Variants in USO1 observed in about 807,000 individuals in gnomAD.
The protein encoded by USO1 is general vesicular transport factor p115.
USO1 carries 57 observed loss-of-function variants against 124.5 expected under a neutral mutation model. The observed-to-expected ratio is 0.46, with a 90% CI of 0.37 to 0.57. The LOEUF (loss-of-function observed/expected upper bound fraction) is 0.57, where lower values mean the gene tolerates loss of function less well. Among genes scored for constraint, USO1 ranks in the 20% least tolerant of loss-of-function variants. The pLI is 0.00. For synonymous variants in USO1, 369 were observed against 362.8 expected (o/e 1.02, Z -0.19); for missense variants, 900 against 1,040.6 (o/e 0.86, Z 1.86).
At chr4:75,746,487 G>A (rs1463449448) in intron 1 of USO1, among the ~76,000 whole-genome samples, 2 of 152,320 alleles carry the variant, frequency 1.3e-5, no homozygotes, top group East Asian at 3.9e-4. Context: ...CAATTTCTGA[G>A]TAGAAACTAA....
rs1303811563 is a variant in USO1 at position 75,755,270 on chromosome 4, C to T, written c.219-2227C>T. ...TTAAGGAGAGGAGAATTAGGCTTCA[C>T]TTTTTTGAAAAGAGATGAATCGAAA... On this transcript the variant is annotated intron_variant, in intron 3 of 23. Transcript: ENST00000514213. Among the ~76,000 whole-genome samples, 3 of 152,162 alleles carry T rather than the reference C, an allele frequency of 2.0e-5. No homozygotes were observed. In the South Asian group the frequency reaches 6.2e-4, roughly 32 times the overall value.
chr4:75,794,904 A>T (rs1468047906), intron 13 of USO1, among the ~76,000 whole-genome samples: 1 of 152,206 alleles, frequency 6.6e-6, no homozygotes, highest in Non-Finnish European at 1.5e-5. Flanking sequence ...TCTCTTAGAG[A>T]TTAAAAAAAC....
chr4:75,764,759 C>A (rs556448975), intron 4 of USO1, among the ~76,000 whole-genome samples: 1 of 152,112 alleles, frequency 6.6e-6, no homozygotes, highest in Non-Finnish European at 1.5e-5. Context: ...GCTGTTTGAC[C>A]CACATAGTAT....
rs573009058 is a variant in USO1 at position 75,793,603 on chromosome 4, T to A, written c.1241-87T>A. On this transcript the variant is annotated intron_variant, in intron 12 of 23. Transcript: ENST00000514213. ...TTATATTTAATGGTATTTCACACTA[T>A]TTTATGTGTACAGAAAACAATTTAT... 4.7e-6 allele frequency: 7 copies of A among 1,481,866 alleles called. No individual in the cohort carries two copies. The African/African-American group carries it at 9.8e-5, about 21-fold the overall frequency. 91.8% of individuals were successfully genotyped at this position (1,481,866 alleles called of 1,614,324 possible). A position where few individuals can be genotyped will look rare whatever the true frequency, so the allele number is the denominator to read the frequency against.
chr4:75,798,427 G>C (rs577675215), intron 13 of USO1, among the ~76,000 whole-genome samples: 1 of 152,296 alleles, frequency 6.6e-6, no homozygotes, highest in South Asian at 2.1e-4. Context: ...TCAGTTGGCA[G>C]TGACTGGTTT....
chr4:75,806,624 GAAT>G, intron 20 of USO1, 52 bp downstream of exon 20: 1 of 1,536,556 alleles, frequency 6.5e-7, no homozygotes, highest in Non-Finnish European at 8.8e-7. Context: ...AATTATAATA[GAAT>G]AACAGCCCTA....
At chr4:75,756,308 C>G (rs1305618001) in intron 3 of USO1, among the ~76,000 whole-genome samples, 1 of 151,510 alleles carries the variant, frequency 6.6e-6, no homozygotes, top group African/African-American at 2.4e-5. Flanking sequence ...TGTGGGTGGC[C>G]TTTAGAAGAG....
At chr4:75,748,707 A>G (rs2149151162) in intron 1 of USO1, among the ~76,000 whole-genome samples, 1 of 152,308 alleles carries the variant, frequency 6.6e-6, no homozygotes, top group South Asian at 2.1e-4. Context: ...TCCCAGATCT[A>G]GAACCAGTAC....
At chr4:75,761,106 C>T (rs892935048) in intron 4 of USO1, among the ~76,000 whole-genome samples, 3 of 151,860 alleles carry the variant, frequency 2.0e-5, no homozygotes, top group Non-Finnish European at 2.9e-5. Flanking sequence ...AAGATTGTGC[C>T]ACTGCACGAT....
chr4:75,774,845 C>G lies in USO1; in HGVS notation c.676+49C>G, dbSNP rs747400656. 8 of 1,591,432 alleles carry G rather than the reference C, an allele frequency of 5.0e-6. No homozygotes were observed. The Admixed American group carries it at 8.6e-5, about 17-fold the overall frequency. On this transcript the variant is annotated intron_variant, in intron 8 of 23. Transcript: ENST00000514213. ...AAGACATTCCTTTTGTACTCACTGA[C>G]TTGTTAGGGTATAGGGAATACAGTT...
At chr4:75,770,778 A>G in intron 5 of USO1, 44 bp from the exon 6 acceptor site, 1 of 1,575,002 alleles carries the variant, frequency 6.3e-7, no homozygotes, top group Non-Finnish European at 8.6e-7. Flanking sequence ...TTTCTCGAAA[A>G]TGTGAATTAC....
intron 3 of USO1, among the ~76,000 whole-genome samples, chr4:75,756,127 GCCA>G (rs1721435233): frequency 6.9e-6 from 1 of 145,414 alleles, no homozygotes; most frequent in South Asian, 2.2e-4. Flanking sequence ...TCAAGATCGC[GCCA>G]CTGCACTCCA....
rs761043757 is a variant in USO1 at position 75,770,894 on chromosome 4, G to A, written c.469G>A (p.Val157Met). Residue 157 changes from valine (V) to methionine (M), a missense_variant, in exon 6 of 24, where the codon GTG (valine) becomes ATG (methionine). By Grantham distance (21) the Val-to-Met change is conservative (BLOSUM62 1). Coordinates refer to ENST00000514213, the MANE Select transcript of USO1 (RefSeq NM_003715.4). ...TSLLKQLGPQVQQIILVSPMG... is the reference protein window; with the variant it reads ...TSLLKQLGPQMQQIILVSPMG... ...TCTTTTAAAACAACTAGGGCCTCAG[G>A]TGCAACAAATTATTTTAGTCAGTCC... 2.5e-6 allele frequency: 4 copies of A among 1,613,672 alleles called. No individual in the cohort carries two copies. Among genetic ancestry groups the A allele is most frequent in the Non-Finnish European group, 3.4e-6 (4 of 1,179,792 alleles).
intron 17 of USO1, among the ~76,000 whole-genome samples, chr4:75,803,511 A>G (rs968574199): frequency 6.6e-6 from 1 of 151,890 alleles, no homozygotes; most frequent in African/African-American, 2.4e-5. Context: ...TTAGCTGGGC[A>G]TGGCAGCGGG....
intron 12 of USO1, among the ~76,000 whole-genome samples, chr4:75,792,113 A>G (rs551035102): frequency 2.6e-5 from 4 of 151,794 alleles, no homozygotes; most frequent in Admixed American, 6.6e-5. Context: ...TGAAATGTAT[A>G]CTTAAGCCAG....
chr4:75,776,997 C>A (rs903054117), intron 8 of USO1, among the ~76,000 whole-genome samples: 1 of 152,142 alleles, frequency 6.6e-6, no homozygotes, highest in South Asian at 2.1e-4. Context: ...TTTTCATCAT[C>A]TTCCTTGCAT....
At chr4:75,790,079 T>C (rs1722487338) in intron 10 of USO1, 71 bp from the exon 11 acceptor site, 3 of 1,412,446 alleles carry the variant, frequency 2.1e-6, no homozygotes, top group Admixed American at 2.9e-5. Context: ...AGATTTTTTT[T>C]CTATTGAAAA....
intron 7 of USO1, among the ~76,000 whole-genome samples, 153 bp downstream of exon 7, chr4:75,771,290 G>C (rs559866681): frequency 3.6e-4 from 55 of 152,130 alleles, no homozygotes; most frequent in African/African-American, 1.3e-3. Flanking sequence ...ACAGAGATGG[G>C]GGTCTCTCTA....
intron 6 of USO1, 53 bp from the exon 7 acceptor site, chr4:75,771,029 C>T: frequency 6.3e-7 from 1 of 1,596,662 alleles, no homozygotes; most frequent in Non-Finnish European, 8.5e-7. Context: ...TAATTTGAGT[C>T]ACTATTTGTA....
Sources: allele counts gnomAD v4.1 joint callset (sites outside exome capture counted in the v4.1 genomes callset), GRCh38; gene constraint gnomAD v4.1.1; transcripts MANE v1.5; gene names NCBI Gene and HGNC (gene_info 2026-07-23, HGNC 2026-07-21).